The following RBFOX1 variants were observed in gnomAD, a reference collection of about 807,000 sequenced individuals.
The protein encoded by RBFOX1 is RNA binding fox-1 homolog 1, also known as RNA binding protein fox-1 homolog 1.
In RBFOX1, 8 loss-of-function variants were observed where a neutral mutation model predicts 57.7. That is an observed-to-expected ratio of 0.14 (90% CI 0.08 to 0.25). The LOEUF (loss-of-function observed/expected upper bound fraction) is 0.25, where lower values mean the gene tolerates loss of function less well. Ranked by LOEUF, RBFOX1 falls within the 10% of genes least tolerant of loss-of-function variation. RBFOX1 has a pLI of 1.00. For missense variants in RBFOX1, 611 were observed against 548.5 expected, an observed-to-expected ratio of 1.11 and a Z score of -1.14; for synonymous variants, 326 against 222.4, an observed-to-expected ratio of 1.47 and a Z score of -4.15.
chr16:6,630,254 C>A (rs974215858), intron 2 of RBFOX1, among the ~76,000 whole-genome samples: 3 of 152,108 alleles, frequency 2.0e-5, no homozygotes, highest in African/African-American at 7.2e-5. Context: ...TCCTTCTTCT[C>A]CTGCCTTTTT....
intron 1 of RBFOX1, among the ~76,000 whole-genome samples, chr16:5,397,438 C>G (rs1480909859): frequency 6.6e-6 from 1 of 152,224 alleles, no homozygotes; most frequent in African/African-American, 2.4e-5. Flanking sequence ...AACCATGAGA[C>G]CATGCCTGCA....
intron 4 of RBFOX1, among the ~76,000 whole-genome samples, chr16:7,111,269 T>C (rs1270689197): frequency 6.6e-6 from 1 of 152,204 alleles, no homozygotes; most frequent in African/African-American, 2.4e-5. Context: ...AAAGTGAAAG[T>C]GTAAAGCTTT....
At position 7,536,267 on chromosome 16, in the gene RBFOX1, A is replaced by G. The variant is rs890635638; in HGVS notation, c.270+17878A>G. 4.6e-5 allele frequency among the ~76,000 whole-genome samples: 7 copies of G among 152,214 alleles called. No individual in the cohort carries two copies. The East Asian group carries it at 1.3e-3, about 29-fold the overall frequency. On this transcript the variant is annotated intron_variant, in intron 5 of 15. Coordinates refer to ENST00000550418, the MANE Select transcript of RBFOX1 (RefSeq NM_018723.4). ...GAGACATAAATCAAAGCGGAGATGC[A>G]TTCAAGACTTCCTTAAAGAAGTGAC...
intron 4 of RBFOX1, among the ~76,000 whole-genome samples, chr16:7,429,082 G>A (rs1284467380): frequency 6.6e-6 from 1 of 152,202 alleles, no homozygotes; most frequent in African/African-American, 2.4e-5. Flanking sequence ...TGTGGAAGTG[G>A]AGAGGACCCG....
chr16:5,298,543 T>TTCCCC (rs1380483955), intron 1 of RBFOX1, among the ~76,000 whole-genome samples: 1 of 7,694 alleles, frequency 1.3e-4, no homozygotes, highest in South Asian at 0.017. Flanking sequence ...CTCCCCTCCC[T>TTCCCC]TCCCCTCCCC....
At chr16:7,126,704 T>C (rs1233207240) in intron 4 of RBFOX1, 1 of 151,876 alleles carries the variant, frequency 6.6e-6, no homozygotes, top group Non-Finnish European at 1.5e-5. Context: ...ATATATAATA[T>C]TCGTCTGGGT....
At chr16:6,887,178 C>G (rs1369465898) in intron 3 of RBFOX1, among the ~76,000 whole-genome samples, 2 of 152,164 alleles carry the variant, frequency 1.3e-5, no homozygotes, top group East Asian at 1.9e-4. Flanking sequence ...TTGGTATACT[C>G]TTTAGCACTT....
At chr16:5,301,284 T>C (rs905499358) in intron 1 of RBFOX1, among the ~76,000 whole-genome samples, 10 of 152,096 alleles carry the variant, frequency 6.6e-5, no homozygotes, top group African/African-American at 2.4e-4. Context: ...AGGCCCTCAG[T>C]CCAATAGCCT....
intron 3 of RBFOX1, among the ~76,000 whole-genome samples, chr16:5,781,156 A>G (rs2054310899): frequency 6.6e-6 from 1 of 152,236 alleles, no homozygotes; most frequent in Admixed American, 6.5e-5. Flanking sequence ...AAGTATGGTG[A>G]AATTAGGAAA....
At chr16:6,657,152 CCT>C (rs1828484078) in intron 3 of RBFOX1, among the ~76,000 whole-genome samples, 1 of 149,526 alleles carries the variant, frequency 6.7e-6, no homozygotes, top group South Asian at 2.1e-4. Context: ...CCTCTTCTCT[CCT>C]CTTTTCCTCC....
At chr16:5,302,993 C>T (rs553259029) in intron 1 of RBFOX1, among the ~76,000 whole-genome samples, 3 of 152,284 alleles carry the variant, frequency 2.0e-5, no homozygotes, top group Non-Finnish European at 2.9e-5. Context: ...TTGTATCCTC[C>T]ATTCTTTGTT....
At chr16:5,568,995 C>A (rs1203760401) in intron 2 of RBFOX1, among the ~76,000 whole-genome samples, 2 of 149,516 alleles carry the variant, frequency 1.3e-5, no homozygotes, top group African/African-American at 5.0e-5. Flanking sequence ...CACATGCCAC[C>A]ACGCCCGGCT....
chr16:6,390,224 C>G (rs760158263), intron 2 of RBFOX1, among the ~76,000 whole-genome samples: 1 of 152,118 alleles, frequency 6.6e-6, no homozygotes, highest in Admixed American at 6.6e-5. Flanking sequence ...TTTACATATC[C>G]GTAAACCTGA....
chr16:7,078,808 G>A (rs1228742192), intron 4 of RBFOX1, among the ~76,000 whole-genome samples: 2 of 143,054 alleles, frequency 1.4e-5, no homozygotes, highest in Non-Finnish European at 3.0e-5. Flanking sequence ...TCATCCTCCC[G>A]AGTAGCTGGG....
At chr16:5,602,784 G>A (rs569319035), downstream of RBFOX1, among the ~76,000 whole-genome samples, 2 of 152,182 alleles carry the variant, frequency 1.3e-5, no homozygotes, top group South Asian at 2.1e-4. Context: ...ATAGTAAGAA[G>A]CAGTAGTAGT....
intron 1 of RBFOX1, among the ~76,000 whole-genome samples, chr16:6,074,008 G>A (rs1339276570): frequency 6.6e-6 from 1 of 152,026 alleles, no homozygotes; most frequent in African/African-American, 2.4e-5. Flanking sequence ...GAGTGCAGGG[G>A]TGCAATCTCA....
At chr16:7,399,100 A>G (rs1292434439) in intron 4 of RBFOX1, among the ~76,000 whole-genome samples, 1 of 152,224 alleles carries the variant, frequency 6.6e-6, no homozygotes, top group East Asian at 1.9e-4. Context: ...CTCATGTAAC[A>G]AAGCTGCACT....
intron 2 of RBFOX1, among the ~76,000 whole-genome samples, chr16:6,613,218 C>T (rs2154027135): frequency 6.6e-6 from 1 of 152,240 alleles, no homozygotes; most frequent in African/African-American, 2.4e-5. Context: ...AGCTCCCCCA[C>T]TGTGCACTTC....
intron 1 of RBFOX1, among the ~76,000 whole-genome samples, chr16:6,130,542 A>C (rs558578827): frequency 2.4e-4 from 36 of 152,322 alleles, no homozygotes; most frequent in Non-Finnish European, 4.7e-4. Flanking sequence ...AATTTCACCA[A>C]GTGCAAGTGG....
Sources: allele counts gnomAD v4.1 joint callset (sites outside exome capture counted in the v4.1 genomes callset), GRCh38; gene constraint gnomAD v4.1.1; transcripts MANE v1.5; gene names NCBI Gene and HGNC (gene_info 2026-07-23, HGNC 2026-07-21).